Variants in MORC4 observed in about 807,000 individuals in gnomAD.
MORC4 encodes MORC family CW-type zinc finger protein 4.
Under a neutral mutation model 65.5 loss-of-function variants are expected in MORC4, and 22 were observed. That is an observed-to-expected ratio of 0.34 (90% CI 0.24 to 0.48). MORC4 has a LOEUF of 0.48. Ranked by LOEUF, MORC4 falls within the 20% of genes least tolerant of loss-of-function variation. The pLI, the probability that MORC4 is intolerant of heterozygous loss-of-function variation, is 0.99. For missense variants in MORC4, 624 were observed against 703.0 expected (o/e 0.89, Z 1.27); for synonymous variants, 267 against 255.8 (o/e 1.04, Z -0.42).
At position 106,961,763 on chromosome X, in the gene MORC4, C is replaced by T. The variant is rs186750635; in HGVS notation, c.1256+249G>A. Among the ~76,000 whole-genome samples the T allele has an allele frequency of 2.9e-3, 326 of 111,685 alleles. 4 individuals carry two copies. The highest frequency in any genetic ancestry group is 0.01 in the African/African-American group (320 of 30,751). ...GCAAGCAGTGGCAACCCACTCAGGT[C>T]CCCTTCCAAGCTGTGGAAGCTTTGT... On this transcript the variant is annotated intron_variant, in intron 10 of 16. Coordinates refer to ENST00000355610, the MANE Select transcript of MORC4 (RefSeq NM_024657.5).
intron 14 of MORC4, among the ~76,000 whole-genome samples, chrX:106,951,800 A>G (rs1266148252): frequency 9.1e-6 from 1 of 110,044 alleles, no homozygotes; most frequent in Non-Finnish European, 1.9e-5. Flanking sequence ...GTTTGAAACC[A>G]GCCTGACCAA....
chrX:106,979,014 GGTAA>G (rs1325008488), intron 7 of MORC4, among the ~76,000 whole-genome samples: 4 of 111,432 alleles, frequency 3.6e-5, no homozygotes, highest in Non-Finnish European at 7.6e-5. Context: ...TAAAAACCAA[GGTAA>G]GTAAGTGAGA....
At chrX:106,963,113 A>G (rs1381279696) in intron 9 of MORC4, among the ~76,000 whole-genome samples, 4 of 111,745 alleles carry the variant, frequency 3.6e-5, no homozygotes, top group African/African-American at 1.3e-4. Flanking sequence ...TTCCTACTCT[A>G]TGTCTATATC....
chrX:106,945,839 C>T (rs952210031), intron 14 of MORC4, among the ~76,000 whole-genome samples: 1 of 111,698 alleles, frequency 9.0e-6, no homozygotes, highest in African/African-American at 3.2e-5. Flanking sequence ...AAGTATTTTA[C>T]ATTTTCTGAC....
rs978884572 is a variant in MORC4 at position 106,956,619 on chromosome X, A to C, written c.1455-85T>G. 18 of 813,772 alleles carry C rather than the reference A, an allele frequency of 2.2e-5. No homozygotes were observed. The Admixed American group carries it at 4.1e-4, about 19-fold the overall frequency. The allele number at this position is 813,772 out of a possible 1,213,427, so 67.1% of individuals were successfully genotyped here. A position where few individuals can be genotyped will look rare whatever the true frequency, so the allele number is the denominator to read the frequency against. ...CTGCCAATTGTAGATTTAGGTTATAATGTTCCTTCCAAATTACAAATACTG... is the reference window on the plus strand; with the variant it reads ...CTGCCAATTGTAGATTTAGGTTATACTGTTCCTTCCAAATTACAAATACTG... On this transcript the variant is annotated intron_variant, in intron 12 of 16. Coordinates refer to ENST00000355610, the MANE Select transcript of MORC4 (RefSeq NM_024657.5).
chrX:106,952,981 G>A (rs915161208), intron 14 of MORC4, among the ~76,000 whole-genome samples: 2 of 111,918 alleles, frequency 1.8e-5, no homozygotes, highest in Non-Finnish European at 3.8e-5. Flanking sequence ...CTGATCTTAT[G>A]TAACATATAT....
intron 11 of MORC4, 119 bp downstream of exon 11, chrX:106,958,217 G>A: frequency 1.5e-6 from 1 of 660,002 alleles, no homozygotes. Context: ...GCTGGGGTCA[G>A]TCAGCACAGG....
At chrX:106,963,556 A>G (rs1343322666) in intron 9 of MORC4, among the ~76,000 whole-genome samples, 1 of 111,794 alleles carries the variant, frequency 8.9e-6, no homozygotes, top group Non-Finnish European at 1.9e-5. Context: ...GCTTCTGATC[A>G]CAGATGTGAA....
At chrX:106,959,698 C>G (rs751436393) in intron 10 of MORC4, among the ~76,000 whole-genome samples, 3 of 110,647 alleles carry the variant, frequency 2.7e-5, no homozygotes, top group Non-Finnish European at 5.7e-5. Flanking sequence ...CGCCACCACA[C>G]CCGGCTAATG....
rs1377261133 is a variant in MORC4 at position 106,980,964 on chromosome X, T to G, written c.863A>C (p.Lys288Thr). ...KPRMKIFLRQKKVTTQMIAKS... is the reference protein window; with the variant it reads ...KPRMKIFLRQTKVTTQMIAKS... ...GGCAATCATCTGGGTAGTCACCTTCTTTTGACGCAGAAAAATTTTCATGCG... is the reference window on the plus strand; with the variant it reads ...GGCAATCATCTGGGTAGTCACCTTCGTTTGACGCAGAAAAATTTTCATGCG... Residue 288 changes from lysine (K) to threonine (T), a missense_variant, in exon 7 of 17, where the codon AAG becomes ACG. Coordinates refer to ENST00000355610, the MANE Select transcript of MORC4 (RefSeq NM_024657.5). 1 of 1,209,482 alleles carries G rather than the reference T, an allele frequency of 8.3e-7. No homozygotes were observed. The highest frequency in any genetic ancestry group is 2.2e-5 in the Admixed American group (1 of 45,987).
At chrX:106,970,764 A>C (rs952188080) in intron 9 of MORC4, among the ~76,000 whole-genome samples, 4 of 111,925 alleles carry the variant, frequency 3.6e-5, no homozygotes, top group Non-Finnish European at 7.5e-5. Context: ...CTTACAATGG[A>C]TGTGAAGGAC....
intron 8 of MORC4, among the ~76,000 whole-genome samples, chrX:106,977,130 A>G (rs1455243851): frequency 8.9e-6 from 1 of 112,227 alleles, no homozygotes; most frequent in Non-Finnish European, 1.9e-5. Context: ...TATTAAAATA[A>G]ACAATTTTCC....
Position 106,968,868 on chromosome X carries a change from C to A in MORC4, c.1158-6758G>T, listed in dbSNP as rs186074777. On this transcript the variant is annotated intron_variant, in intron 9 of 16. Coordinates refer to ENST00000355610, the MANE Select transcript of MORC4 (RefSeq NM_024657.5). ...AGACCTACAAAGAGACTTAGACTCC[C>A]ACACAATAATAATGGGAGACTTTAA... is the stretch of plus-strand genomic sequence containing the variant. Among the ~76,000 whole-genome samples, 44 of 110,510 alleles carry A rather than the reference C, an allele frequency of 4.0e-4. No individual in the cohort carries two copies. The East Asian group carries it at 0.012, about 30-fold the overall frequency.
rs768563476 is a variant in MORC4 at position 106,999,947 on chromosome X, G to A, written c.23C>T (p.Pro8Leu). 1.1e-6 allele frequency: 1 copy of A among 876,594 alleles called. No homozygotes were observed. The highest frequency in any genetic ancestry group is 5.1e-5 in the South Asian group (1 of 19,798). 72.2% of individuals were successfully genotyped at this position (876,594 alleles called of 1,213,427 possible). A position where few individuals can be genotyped will look rare whatever the true frequency, so the allele number is the denominator to read the frequency against. ...GCAGCCCGGCGCGCCAGGGCCGGCG[G>A]GGGCCCCTCGGTACAGGAGCATTTT... The part of the protein sequence containing the change: MLLYRGA[P>L]AGPGAPGCGL... The change falls in exon 1 of 17, where the codon CCC becomes CTC. Residue 8 changes from proline to leucine, a missense_variant. Pro to Leu is a moderately conservative substitution (Grantham distance 98). Transcript: ENST00000355610.
intron 2 of MORC4, among the ~76,000 whole-genome samples, chrX:106,997,719 C>T (rs2147830215): frequency 8.9e-6 from 1 of 111,918 alleles, no homozygotes; most frequent in South Asian, 3.8e-4. Flanking sequence ...TATTTGTGAA[C>T]CCCATGCTCT....
At chrX:106,997,976 C>A (rs1935109091) in intron 2 of MORC4, among the ~76,000 whole-genome samples, 1 of 112,123 alleles carries the variant, frequency 8.9e-6, no homozygotes, top group African/African-American at 3.2e-5. Flanking sequence ...TGTTGTTAGA[C>A]AAAGCATAAA....
chrX:106,973,542 CTG>C (rs1347990594), intron 9 of MORC4, among the ~76,000 whole-genome samples: 3 of 111,916 alleles, frequency 2.7e-5, no homozygotes, highest in African/African-American at 6.5e-5. Context: ...AAAGGGCAGA[CTG>C]TGATAGACAT....
chrX:106,947,509 A>G (rs1174069080), intron 14 of MORC4, among the ~76,000 whole-genome samples: 1 of 92,813 alleles, frequency 1.1e-5, no homozygotes, highest in Non-Finnish European at 2.1e-5. Context: ...TGCTTTGTGT[A>G]TTTCTGGGGC....
At chrX:106,946,263 C>G (rs1441747808) in intron 14 of MORC4, among the ~76,000 whole-genome samples, 2 of 112,289 alleles carry the variant, frequency 1.8e-5, no homozygotes, top group East Asian at 5.6e-4. Flanking sequence ...CCCCATACCC[C>G]CACTGGGACA....
Sources: allele counts gnomAD v4.1 joint callset (sites outside exome capture counted in the v4.1 genomes callset), GRCh38; gene constraint gnomAD v4.1.1; transcripts MANE v1.5; gene names NCBI Gene and HGNC (gene_info 2026-07-23, HGNC 2026-07-21).